The following NRXN3 variants were observed in gnomAD, a reference collection of about 807,000 sequenced individuals.
NRXN3 encodes neurexin 3.
NRXN3 carries 32 observed loss-of-function variants against 137.6 expected under a neutral mutation model. The ratio of observed to expected loss-of-function variants is 0.23; its 90% CI spans 0.18 to 0.31. NRXN3 has a LOEUF of 0.31. Among genes scored for constraint, NRXN3 ranks in the 10% least tolerant of loss-of-function variants. The pLI is 1.00. For synonymous variants in NRXN3, 798 were observed against 784.5 expected, an observed-to-expected ratio of 1.02 and a Z score of -0.29; for missense variants, 1,574 against 2,062.5, an observed-to-expected ratio of 0.76 and a Z score of 4.59.
intron 16 of NRXN3, among the ~76,000 whole-genome samples, chr14:79,504,676 A>ATATATATATATATATATATAT (rs2096859708): frequency 1.0e-5 from 1 of 99,538 alleles, no homozygotes; most frequent in African/African-American, 5.2e-5. Context: ...TATATATATA[A>ATATATATATATATATATATAT]AACATTACAC....
At chr14:79,000,364 T>C (rs77511188) in intron 15 of NRXN3, among the ~76,000 whole-genome samples, 5,879 of 152,228 alleles carry the variant, frequency 0.039, 324 homozygotes, top group African/African-American at 0.12. Context: ...TCTTAAGGAG[T>C]TATAGCTTTC....
chr14:78,646,847 C>T (rs1176390131), intron 5 of NRXN3, among the ~76,000 whole-genome samples: 2 of 152,194 alleles, frequency 1.3e-5, no homozygotes, highest in African/African-American at 4.8e-5. Context: ...CAGGAGAGAA[C>T]GTCTCAACTG....
At chr14:79,081,798 G>T (rs2047071937) in intron 15 of NRXN3, among the ~76,000 whole-genome samples, 2 of 151,982 alleles carry the variant, frequency 1.3e-5, no homozygotes, top group Non-Finnish European at 2.9e-5. Flanking sequence ...AACCAAAAAT[G>T]ATCTAAAATA....
intron 16 of NRXN3, among the ~76,000 whole-genome samples, chr14:79,655,467 G>A (rs1415543484): frequency 6.6e-6 from 1 of 152,208 alleles, no homozygotes; most frequent in East Asian, 1.9e-4. Flanking sequence ...GCTCATGGCT[G>A]TGCACTCATG....
intron 15 of NRXN3, among the ~76,000 whole-genome samples, chr14:79,271,696 G>T (rs1487976982): frequency 1.3e-5 from 2 of 151,768 alleles, no homozygotes; most frequent in African/African-American, 2.4e-5. Flanking sequence ...GGCTTTAAAG[G>T]TTTAAGTGCC....
chr14:79,631,370 G>C (rs221485), intron 16 of NRXN3, among the ~76,000 whole-genome samples: 21,788 of 152,318 alleles, frequency 0.14, 2,113 homozygotes, highest in African/African-American at 0.27. Flanking sequence ...CGCTGGAAGA[G>C]CCCTTCAGTC....
intron 10 of NRXN3, among the ~76,000 whole-genome samples, chr14:78,862,144 A>G (rs2152531546): frequency 6.6e-6 from 1 of 152,234 alleles, no homozygotes; most frequent in South Asian, 2.1e-4. Flanking sequence ...TACACATACT[A>G]TTTACTTAGG....
intron 16 of NRXN3, among the ~76,000 whole-genome samples, chr14:79,614,975 G>A (rs1450751506): frequency 6.6e-6 from 1 of 152,154 alleles, no homozygotes; most frequent in African/African-American, 2.4e-5. Context: ...ATTAAAACTA[G>A]GCTGGGTCTT....
intron 19 of NRXN3, among the ~76,000 whole-genome samples, chr14:79,774,856 G>A (rs1021692629): frequency 3.9e-5 from 6 of 152,076 alleles, no homozygotes; most frequent in Non-Finnish European, 8.8e-5. Context: ...CGTGAGATGA[G>A]CAATTAGTGA....
rs1463333723 is a variant in NRXN3, at chr14:78,943,620, AAATATATATATATATATATAT to A, written c.2276-13620_2276-13600del. 2.2e-4 allele frequency among the ~76,000 whole-genome samples: 7 copies of A among 32,102 alleles called. 2 individuals are homozygous for A. The highest frequency in any genetic ancestry group is 1.8e-3 in the East Asian group (2 of 1,086). 21.1% of individuals were successfully genotyped at this position (32,102 alleles called of 152,430 possible). On this transcript the variant is annotated intron_variant, in intron 10 of 20. Transcript: ENST00000335750. The stretch of plus-strand genomic sequence containing the variant: ...AAGCAAGATCACTGTTAAAAAAAAA[AAATATATATATATATATATAT>A]ATATATATATATATATATATATATA...
chr14:79,244,977 A>G (rs1002617442), intron 15 of NRXN3, among the ~76,000 whole-genome samples: 68 of 152,144 alleles, frequency 4.5e-4, no homozygotes, highest in African/African-American at 1.6e-3. Flanking sequence ...AAGGCAGGAT[A>G]TAACAGTGGA....
At chr14:79,004,334 C>T (rs562399317) in intron 15 of NRXN3, among the ~76,000 whole-genome samples, 1 of 152,178 alleles carries the variant, frequency 6.6e-6, no homozygotes, top group East Asian at 1.9e-4. Context: ...CAAACTCCAC[C>T]TCCTGGGCTC....
chr14:79,177,560 C>T (rs1426623669), intron 15 of NRXN3, among the ~76,000 whole-genome samples: 1 of 152,134 alleles, frequency 6.6e-6, no homozygotes, highest in Non-Finnish European at 1.5e-5. Flanking sequence ...TCTAAAACAG[C>T]CTGAGTACCC....
rs543880892 is a variant in NRXN3, at chr14:78,513,885, A to G, written c.758-131235A>G. The stretch of plus-strand genomic sequence containing the variant: ...TTCATCAGTTTTTCCCCATCTCTCC[A>G]TAACTAGTCTACCTCTGTATGCTTG... On this transcript the variant is annotated intron_variant, in intron 4 of 20. Transcript: ENST00000335750. 2.0e-5 allele frequency among the ~76,000 whole-genome samples: 3 copies of G among 152,240 alleles called. No individual in the cohort carries two copies. In the South Asian group the frequency reaches 6.2e-4, roughly 32 times the overall value.
At chr14:78,213,148 G>A (rs1322406855) in intron 1 of NRXN3, among the ~76,000 whole-genome samples, 1 of 152,180 alleles carries the variant, frequency 6.6e-6, no homozygotes, top group African/African-American at 2.4e-5. Context: ...ATGGCTAGAA[G>A]CCTAGGCCTT....
chr14:79,689,207 A>G (rs988996329), intron 17 of NRXN3, among the ~76,000 whole-genome samples: 1 of 152,118 alleles, frequency 6.6e-6, no homozygotes. Context: ...ACTTGTTGCT[A>G]TATGAAATAT....
intron 15 of NRXN3, among the ~76,000 whole-genome samples, chr14:79,420,971 G>A (rs1284914712): frequency 1.3e-5 from 2 of 152,248 alleles, no homozygotes; most frequent in African/African-American, 4.8e-5. Context: ...AAATCATTGT[G>A]AAACCAAATA....
At chr14:79,044,736 A>G (rs2099630375) in intron 15 of NRXN3, among the ~76,000 whole-genome samples, 1 of 152,014 alleles carries the variant, frequency 6.6e-6, no homozygotes, top group South Asian at 2.1e-4. Flanking sequence ...TATACCACAC[A>G]TATGTACAAC....
intron 16 of NRXN3, among the ~76,000 whole-genome samples, chr14:79,571,473 G>A (rs1046150607): frequency 1.3e-5 from 2 of 152,106 alleles, no homozygotes; most frequent in African/African-American, 4.8e-5. Flanking sequence ...GGCAGCTGGG[G>A]GTGATGAGAG....
Sources: gnomAD v4.1 joint callset for allele counts (sites outside exome capture counted in the v4.1 genomes callset) on GRCh38, gnomAD v4.1.1 for gene constraint, MANE v1.5 for transcripts, NCBI Gene and HGNC (gene_info 2026-07-23, HGNC 2026-07-21) for gene names.